Variants in LARS2 observed in about 807,000 individuals in gnomAD.
The protein encoded by LARS2 is leucine--tRNA ligase, mitochondrial.
In LARS2, 81 loss-of-function variants were observed where a neutral mutation model predicts 116.6. The ratio of observed to expected loss-of-function variants is 0.69; its 90% confidence interval spans 0.58 to 0.84. LARS2 has a LOEUF of 0.84. Ranked by LOEUF, LARS2 falls within the 40% of genes least tolerant of loss-of-function variation. The pLI, the probability that LARS2 is intolerant of heterozygous loss-of-function variation, is 0.00. For missense variants in LARS2, 968 were observed against 1,114.5 expected, an observed-to-expected ratio of 0.87 and a Z score of 1.87; for synonymous variants, 396 against 407.2, an observed-to-expected ratio of 0.97 and a Z score of 0.33.
chr3:45,505,809 A>G (rs1700193240), intron 15 of LARS2, among the ~76,000 whole-genome samples: 1 of 152,076 alleles, frequency 6.6e-6, no homozygotes, highest in Non-Finnish European at 1.5e-5. Context: ...ATGATTTTTT[A>G]TGGAAGTATT....
chr3:45,415,859 A>AT (rs1559461247), intron 4 of LARS2, among the ~76,000 whole-genome samples: 48 of 68,684 alleles, frequency 7.0e-4, no homozygotes, highest in East Asian at 1.9e-3. Context: ...AAAAAAAAAA[A>AT]AATATATATA....
intron 11 of LARS2, among the ~76,000 whole-genome samples, chr3:45,487,432 T>G (rs1251520868): frequency 6.6e-6 from 1 of 152,196 alleles, no homozygotes; most frequent in African/African-American, 2.4e-5. Flanking sequence ...TCCCAAACAT[T>G]CAACCACTGT....
At chr3:45,438,031 T>G (rs1249735323) in intron 6 of LARS2, among the ~76,000 whole-genome samples, 1 of 152,074 alleles carries the variant, frequency 6.6e-6, no homozygotes, top group Non-Finnish European at 1.5e-5. Flanking sequence ...TAAATTGCAA[T>G]TTTAAATTCA....
At chr3:45,526,872 A>G (rs1174631662) in intron 20 of LARS2, among the ~76,000 whole-genome samples, 4 of 152,234 alleles carry the variant, frequency 2.6e-5, no homozygotes, top group Non-Finnish European at 5.9e-5. Flanking sequence ...CAAAAAACCA[A>G]ATGTCCAAAA....
chr3:45,419,614 T>C (rs1575241593), intron 5 of LARS2, 55 bp from the exon 6 acceptor site: 1 of 1,205,064 alleles, frequency 8.3e-7, no homozygotes. Context: ...AGTGTAGTTG[T>C]GTATGGCTTT....
chr3:45,511,800 CAG>C, intron 15 of LARS2, among the ~76,000 whole-genome samples: 1 of 104,176 alleles, frequency 9.6e-6, no homozygotes, highest in African/African-American at 3.8e-5. Flanking sequence ...TTTTTGGAGA[CAG>C]AGTCTCGCTC....
At chr3:45,481,885 T>C (rs1361229284) in intron 10 of LARS2, among the ~76,000 whole-genome samples, 1 of 152,216 alleles carries the variant, frequency 6.6e-6, no homozygotes, top group Non-Finnish European at 1.5e-5. Flanking sequence ...TTGTTGCTTT[T>C]GCTTTTGGTG....
chr3:45,469,430 C>T (rs1699484185), intron 8 of LARS2, among the ~76,000 whole-genome samples: 1 of 152,128 alleles, frequency 6.6e-6, no homozygotes, highest in Non-Finnish European at 1.5e-5. Context: ...ACTAGAACCT[C>T]CGCCTCCTGG....
chr3:45,402,605 G>A (rs191427144), intron 4 of LARS2, among the ~76,000 whole-genome samples: 5 of 152,286 alleles, frequency 3.3e-5, no homozygotes, highest in Non-Finnish European at 5.9e-5. Context: ...TTTATGCTGA[G>A]CTGACATTGG....
At chr3:45,502,070 C>T (rs1390474600) in intron 15 of LARS2, among the ~76,000 whole-genome samples, 1 of 151,998 alleles carries the variant, frequency 6.6e-6, no homozygotes, top group Non-Finnish European at 1.5e-5. Context: ...AGCATTTATC[C>T]TTTGTGTTAC....
At chr3:45,509,007 G>T (rs139876918) in intron 15 of LARS2, among the ~76,000 whole-genome samples, 119 of 152,144 alleles carry the variant, frequency 7.8e-4, no homozygotes, top group African/African-American at 2.7e-3. Context: ...TGAAGAAATT[G>T]TGAAGATCTC....
chr3:45,479,007 C>T (rs1699657509), intron 10 of LARS2, among the ~76,000 whole-genome samples: 1 of 151,956 alleles, frequency 6.6e-6, no homozygotes, highest in African/African-American at 2.4e-5. Context: ...CATTGAATGT[C>T]AGATTTTAAG....
intron 4 of LARS2, among the ~76,000 whole-genome samples, chr3:45,415,715 G>A (rs779779000): frequency 1.5e-4 from 23 of 151,890 alleles, no homozygotes; most frequent in Non-Finnish European, 3.1e-4. Flanking sequence ...GGGTGTGGGG[G>A]TATGTGCCTG....
At chr3:45,473,166 G>A (rs1286036137) in intron 8 of LARS2, among the ~76,000 whole-genome samples, 3 of 152,174 alleles carry the variant, frequency 2.0e-5, no homozygotes, top group Non-Finnish European at 2.9e-5. Flanking sequence ...CAGATCAGGA[G>A]CACTGTGGGA....
intron 6 of LARS2, among the ~76,000 whole-genome samples, chr3:45,444,389 C>T (rs1344433976): frequency 3.4e-5 from 5 of 148,114 alleles, no homozygotes; most frequent in Admixed American, 1.3e-4. Flanking sequence ...TTCGGCCAGG[C>T]GCGGTGGCTC....
chr3:45,430,289 A>ATTTT (rs1491194661), intron 6 of LARS2, among the ~76,000 whole-genome samples: 34 of 52,500 alleles, frequency 6.5e-4, no homozygotes, highest in South Asian at 2.5e-3. Flanking sequence ...TTTTTTTTTA[A>ATTTT]TTTTTTTGAG....
rs541233603 is a variant in LARS2 at position 45,547,871 on chromosome 3, C to T, written c.*341C>T. The T allele has an allele frequency of 6.2e-4, 120 of 194,086 alleles. No homozygotes were observed. The highest frequency in any genetic ancestry group is 2.4e-3 in the African/African-American group (101 of 42,962). The allele number at this position is 194,086 out of a possible 1,614,324, so 12.0% of individuals were successfully genotyped here. A position where few individuals can be genotyped will look rare whatever the true frequency, so the allele number is the denominator to read the frequency against. ...GGGAGCAGGAAGGAGCAGTGCCCCT[C>T]GAGCAGCCAGGAAGCCTGCGGATCT... On this transcript the variant is annotated 3_prime_UTR_variant, in exon 22 of 22. Transcript: ENST00000645846.
At chr3:45,508,700 A>G (rs980349784) in intron 15 of LARS2, among the ~76,000 whole-genome samples, 4 of 152,046 alleles carry the variant, frequency 2.6e-5, no homozygotes, top group Non-Finnish European at 5.9e-5. Context: ...GGGCTCTGAT[A>G]CATCCTGATA....
At chr3:45,529,165 G>A (rs1162313531) in intron 20 of LARS2, among the ~76,000 whole-genome samples, 2 of 152,024 alleles carry the variant, frequency 1.3e-5, no homozygotes, top group South Asian at 2.1e-4. Flanking sequence ...CACCGCGCCC[G>A]GCCTACAACA....
Sources: allele counts gnomAD v4.1 joint callset (sites outside exome capture counted in the v4.1 genomes callset), GRCh38; gene constraint gnomAD v4.1.1; transcripts MANE v1.5; gene names NCBI Gene and HGNC (gene_info 2026-07-23, HGNC 2026-07-21).